RNF216: variants seen among roughly 807,000 people sequenced by gnomAD.
RNF216 encodes the protein E3 ubiquitin-protein ligase RNF216.
RNF216 carries 72 observed loss-of-function variants against 110.8 expected under a neutral mutation model. That is an observed-to-expected ratio of 0.65 (90% confidence interval 0.54 to 0.79). The LOEUF (loss-of-function observed/expected upper bound fraction) is 0.79. RNF216 is among the 30% of genes least tolerant of loss of function. The pLI is 0.00. For synonymous variants in RNF216, 495 were observed against 407.5 expected (o/e 1.21, Z -2.59); for missense variants, 1,342 against 1,141.2 (o/e 1.18, Z -2.54).
chr7:5,706,872 C>T (rs2345938), intron 13 of RNF216, among the ~76,000 whole-genome samples: 25,540 of 152,104 alleles, frequency 0.17, 4,266 homozygotes, highest in African/African-American at 0.43. Context: ...TTTCCACCTA[C>T]GTTTTCTTCT....
At chr7:5,711,860 C>G (rs375075256) in intron 12 of RNF216, 21 bp from the exon 13 acceptor site, 3 of 1,605,864 alleles carry the variant, frequency 1.9e-6, no homozygotes, top group Admixed American at 1.7e-5. Flanking sequence ...AACAGCAGAA[C>G]TGACATTACT....
intron 2 of RNF216, among the ~76,000 whole-genome samples, chr7:5,754,273 A>G (rs908602755): frequency 6.6e-6 from 1 of 151,826 alleles, no homozygotes; most frequent in Non-Finnish European, 1.5e-5. Context: ...CTCCCATGTC[A>G]GCTTCCCAAG....
intron 4 of RNF216, among the ~76,000 whole-genome samples, chr7:5,740,737 C>T (rs1794705603): frequency 6.6e-6 from 1 of 151,974 alleles, no homozygotes; most frequent in African/African-American, 2.4e-5. Context: ...CACCAGGCCA[C>T]CATGATATGC....
At chr7:5,722,383 T>A (rs1793484507) in intron 8 of RNF216, among the ~76,000 whole-genome samples, 1 of 150,996 alleles carries the variant, frequency 6.6e-6, no homozygotes, top group East Asian at 1.9e-4. Flanking sequence ...TTTTTTTTGT[T>A]TGTTTGTTTG....
chr7:5,760,206 T>C (rs1050814803), intron 2 of RNF216, among the ~76,000 whole-genome samples: 5 of 152,128 alleles, frequency 3.3e-5, no homozygotes, highest in Non-Finnish European at 7.4e-5. Context: ...ATCAATAAAA[T>C]TCCCCAAAAC....
intron 14 of RNF216, among the ~76,000 whole-genome samples, chr7:5,644,496 T>G (rs1787931656): frequency 6.6e-6 from 1 of 151,954 alleles, no homozygotes; most frequent in Non-Finnish European, 1.5e-5. Flanking sequence ...AAATATCAAT[T>G]GATATTGTTT....
At chr7:5,675,212 T>C (rs979298945) in intron 13 of RNF216, among the ~76,000 whole-genome samples, 11 of 152,342 alleles carry the variant, frequency 7.2e-5, no homozygotes, top group Non-Finnish European at 1.3e-4. Context: ...CTAGTTACTA[T>C]GCTGGGCACT....
At chr7:5,736,108 GCTCTCC>G (rs1384796757) in intron 5 of RNF216, among the ~76,000 whole-genome samples, 1 of 70,030 alleles carries the variant, frequency 1.4e-5, no homozygotes, top group African/African-American at 3.5e-5. Context: ...TAAATAAATA[GCTCTCC>G]CTCTCCCTGT....
intron 1 of RNF216, among the ~76,000 whole-genome samples, chr7:5,773,854 C>T (rs1400897162): frequency 1.3e-5 from 2 of 152,186 alleles, no homozygotes; most frequent in Non-Finnish European, 2.9e-5. Flanking sequence ...GGCGAGTCAC[C>T]GTGCCTGGCC....
In RNF216 at chr7:5,651,773, C is replaced by T. The variant is rs187839213; in HGVS notation, c.2159+640G>A. Among the ~76,000 whole-genome samples, 11 of 152,202 alleles carry T rather than the reference C, an allele frequency of 7.2e-5. No individual in the cohort carries two copies. The East Asian group carries it at 1.7e-3, about 24-fold the overall frequency. ...AACTAATTATCCTGCCTCAGCCTCC[C>T]GAGTAGCTGGGATTACAGGCAAGCG... On this transcript the variant is annotated intron_variant, in intron 14 of 16. Coordinates refer to ENST00000389902, the MANE Select transcript of RNF216 (RefSeq NM_207111.4).
intron 14 of RNF216, among the ~76,000 whole-genome samples, chr7:5,647,868 T>C (rs969176719): frequency 6.6e-6 from 1 of 152,206 alleles, no homozygotes; most frequent in African/African-American, 2.4e-5. Flanking sequence ...TAGACTACTG[T>C]AATGGCCTTC....
intron 5 of RNF216, among the ~76,000 whole-genome samples, chr7:5,736,205 T>C (rs902369710): frequency 3.9e-5 from 6 of 152,150 alleles, no homozygotes; most frequent in Admixed American, 3.3e-4. Flanking sequence ...CTCTGCTCAC[T>C]GCAACCTCCC....
intron 12 of RNF216, among the ~76,000 whole-genome samples, chr7:5,712,136 T>C (rs10242661): frequency 0.012 from 1,833 of 152,268 alleles, 30 homozygotes; most frequent in African/African-American, 0.042. Context: ...GGCACCATGA[T>C]TGTATCTACG....
Position 5,730,656 on chromosome 7 carries a change from A to T in RNF216, c.1224+59T>A. 5 of 1,599,188 alleles carry T rather than the reference A, an allele frequency of 3.1e-6. No individual in the cohort carries two copies. The South Asian group carries it at 5.6e-5, about 18-fold the overall frequency. The stretch of plus-strand genomic sequence containing the variant: ...TCCCACAGAGATAACAACAACAACA[A>T]CAACAACAAAGCACAGCATTTCCAG... On this transcript the variant is annotated intron_variant, in intron 6 of 16. Transcript: ENST00000389902.
chr7:5,706,780 T>A (rs1284403229), intron 13 of RNF216, among the ~76,000 whole-genome samples: 1 of 152,250 alleles, frequency 6.6e-6, no homozygotes, highest in African/African-American at 2.4e-5. Flanking sequence ...ATCTTAGTAG[T>A]CACTTGCCTG....
chr7:5,695,399 A>G (rs1260954228), intron 13 of RNF216, among the ~76,000 whole-genome samples: 1 of 152,058 alleles, frequency 6.6e-6, no homozygotes, highest in Non-Finnish European at 1.5e-5. Context: ...GGCCCGGCAG[A>G]AGCGCCACAT....
At chr7:5,676,072 C>T (rs994343000) in intron 13 of RNF216, among the ~76,000 whole-genome samples, 3 of 151,642 alleles carry the variant, frequency 2.0e-5, no homozygotes, top group African/African-American at 7.3e-5. Context: ...TAGAGTGCAA[C>T]GCGATCTCGG....
intron 13 of RNF216, among the ~76,000 whole-genome samples, chr7:5,689,733 C>G (rs1791210809): frequency 6.6e-6 from 1 of 151,862 alleles, no homozygotes; most frequent in Non-Finnish European, 1.5e-5. Context: ...GCAGGTGGAT[C>G]ACCTAAGGTT....
rs1031934917 is a variant in RNF216 at position 5,696,463 on chromosome 7, G to A, written c.2061+15298C>T. ...GAGGACTAAAACAAATTCACTGGCC[G>A]GTGGGAATGCAGCAAAGCAGCAACT... On this transcript the variant is annotated intron_variant, in intron 13 of 16. Coordinates refer to ENST00000389902, the MANE Select transcript of RNF216 (RefSeq NM_207111.4). This position sits in a 1 kb window ranked among gnomAD's most constrained non-coding sequence, Gnocchi z 5.4. Among the ~76,000 whole-genome samples the A allele has an allele frequency of 3.9e-5, 6 of 152,116 alleles. No homozygotes were observed. Among genetic ancestry groups the A allele is most frequent in the African/African-American group, 7.2e-5 (3 of 41,418 alleles).
Sources: gnomAD v4.1 joint callset for allele counts (sites outside exome capture counted in the v4.1 genomes callset) on GRCh38, gnomAD v4.1.1 for gene constraint, Gnocchi (gnomAD v3.1) non-coding constraint, MANE v1.5 for transcripts, NCBI Gene and HGNC (gene_info 2026-07-23, HGNC 2026-07-21) for gene names.